The following LRRC4C variants were observed in gnomAD, a reference collection of about 807,000 sequenced individuals.
LRRC4C encodes leucine rich repeat containing 4C.
A neutral mutation model predicts 33.6 loss-of-function variants in LRRC4C; 5 were observed. That is an observed-to-expected ratio of 0.15 (90% CI 0.08 to 0.31). The LOEUF is 0.31. LRRC4C is among the 10% of genes least tolerant of loss of function. The probability of loss-of-function intolerance (pLI) is 1.00; values close to 1 mark genes in which losing one functional copy is unlikely to be tolerated. For missense variants in LRRC4C, 560 were observed against 796.7 expected, an observed-to-expected ratio of 0.70 and a Z score of 3.58; for synonymous variants, 329 against 302.0, an observed-to-expected ratio of 1.09 and a Z score of -0.93.
intron 3 of LRRC4C, among the ~76,000 whole-genome samples, chr11:40,552,600 C>T (rs1467243324): frequency 6.6e-6 from 1 of 152,162 alleles, no homozygotes; most frequent in Non-Finnish European, 1.5e-5. Flanking sequence ...ATAAGGCCAA[C>T]TTCACTCATA....
intron 1 of LRRC4C, among the ~76,000 whole-genome samples, chr11:40,998,349 A>C (rs903626084): frequency 6.6e-6 from 1 of 152,080 alleles, no homozygotes; most frequent in African/African-American, 2.4e-5. Context: ...TAATCTAGAG[A>C]TGTTAGGATT....
chr11:40,389,726 T>C (rs1015209966), intron 3 of LRRC4C, among the ~76,000 whole-genome samples: 1 of 152,154 alleles, frequency 6.6e-6, no homozygotes, highest in Non-Finnish European at 1.5e-5. Context: ...ATAAAAGCTA[T>C]AAAAATGAGA....
At chr11:41,275,788 C>G (rs1464207841) in intron 1 of LRRC4C, among the ~76,000 whole-genome samples, 1 of 152,082 alleles carries the variant, frequency 6.6e-6, no homozygotes, top group Non-Finnish European at 1.5e-5. Context: ...ATCAGAAATA[C>G]TAACATTACA....
At chr11:40,802,508 C>A (rs201188828) in intron 2 of LRRC4C, among the ~76,000 whole-genome samples, 148 of 144,666 alleles carry the variant, frequency 1.0e-3, no homozygotes, top group South Asian at 1.3e-3. Context: ...TTAGAATAAG[C>A]AAAAAAAAAA....
chr11:40,979,564 C>G (rs1177518362), intron 1 of LRRC4C, among the ~76,000 whole-genome samples: 1 of 151,928 alleles, frequency 6.6e-6, no homozygotes, highest in Non-Finnish European at 1.5e-5. Context: ...CCTGTGGCTT[C>G]TTAGATTTTG....
chr11:41,183,792 T>C (rs1045617468), intron 1 of LRRC4C, among the ~76,000 whole-genome samples: 8 of 152,174 alleles, frequency 5.3e-5, no homozygotes, highest in Admixed American at 5.2e-4. Context: ...CACACTGCCT[T>C]AGCAGAGGTT....
chr11:40,661,770 T>C (rs1380014551), intron 2 of LRRC4C, among the ~76,000 whole-genome samples: 2 of 152,228 alleles, frequency 1.3e-5, no homozygotes, highest in East Asian at 3.8e-4. Context: ...CTAACTGCTA[T>C]ATGCTCTATT....
At chr11:41,285,486 A>C (rs1949796161) in intron 1 of LRRC4C, among the ~76,000 whole-genome samples, 1 of 152,222 alleles carries the variant, frequency 6.6e-6, no homozygotes, top group Admixed American at 6.5e-5. Context: ...TGCCTTTGAT[A>C]AGCTAACAGC....
intron 3 of LRRC4C, among the ~76,000 whole-genome samples, chr11:40,415,068 C>T (rs1294081742): frequency 1.3e-5 from 2 of 152,178 alleles, no homozygotes; most frequent in Non-Finnish European, 2.9e-5. Flanking sequence ...TCTGTTGCTT[C>T]ATATACTCAA....
At chr11:40,679,703 G>A (rs1944581133) in intron 2 of LRRC4C, among the ~76,000 whole-genome samples, 1 of 152,212 alleles carries the variant, frequency 6.6e-6, no homozygotes, top group Non-Finnish European at 1.5e-5. Flanking sequence ...CAAGAACTGA[G>A]ATTTGGGAAC....
chr11:40,974,894 C>G (rs1032107025), intron 1 of LRRC4C, among the ~76,000 whole-genome samples: 1 of 152,124 alleles, frequency 6.6e-6, no homozygotes, highest in Non-Finnish European at 1.5e-5. Context: ...CTTGGAACTC[C>G]AGGATTTACA....
At chr11:41,188,214 A>C (rs1945781986) in intron 1 of LRRC4C, among the ~76,000 whole-genome samples, 1 of 152,146 alleles carries the variant, frequency 6.6e-6, no homozygotes, top group Non-Finnish European at 1.5e-5. Flanking sequence ...TGTGCTGTTG[A>C]ATACAAACAT....
chr11:41,008,029 C>T (rs1360651481), intron 1 of LRRC4C, among the ~76,000 whole-genome samples: 1 of 151,984 alleles, frequency 6.6e-6, no homozygotes, highest in African/African-American at 2.4e-5. Context: ...TTTCGTATTC[C>T]AATATTCCAT....
At chr11:41,067,449 C>A (rs1938336858) in intron 1 of LRRC4C, among the ~76,000 whole-genome samples, 1 of 152,128 alleles carries the variant, frequency 6.6e-6, no homozygotes. Context: ...GAGACTTAGA[C>A]TCCCACACAA....
At chr11:40,929,351 T>A (rs183686944) in intron 2 of LRRC4C, among the ~76,000 whole-genome samples, 4 of 152,176 alleles carry the variant, frequency 2.6e-5, no homozygotes, top group African/African-American at 7.2e-5. Context: ...CTATGCAATA[T>A]ATTCATGTAA....
At chr11:41,353,386 T>C (rs1952050147) in intron 1 of LRRC4C, among the ~76,000 whole-genome samples, 1 of 151,874 alleles carries the variant, frequency 6.6e-6, no homozygotes, top group Non-Finnish European at 1.5e-5. Flanking sequence ...AAAAATAACA[T>C]ACCAATAAGA....
chr11:40,921,655 G>C (rs1266537016), intron 2 of LRRC4C, among the ~76,000 whole-genome samples: 1 of 151,888 alleles, frequency 6.6e-6, no homozygotes, highest in Non-Finnish European at 1.5e-5. Context: ...ATGTTTTTGA[G>C]GTACATATGA....
intron 1 of LRRC4C, among the ~76,000 whole-genome samples, chr11:41,065,058 C>T (rs187457832): frequency 6.4e-4 from 98 of 152,170 alleles, no homozygotes; most frequent in East Asian, 5.6e-3. Flanking sequence ...GACAGGAGAA[C>T]GGTAGACTCC....
chr11:40,433,263 C>T (rs1426210598), intron 3 of LRRC4C, among the ~76,000 whole-genome samples: 1 of 151,926 alleles, frequency 6.6e-6, no homozygotes, highest in Non-Finnish European at 1.5e-5. Flanking sequence ...TTCAACTGTT[C>T]TATATTATGT....
Sources: allele counts gnomAD v4.1 joint callset (sites outside exome capture counted in the v4.1 genomes callset), GRCh38; gene constraint gnomAD v4.1.1; transcripts MANE v1.5; gene names NCBI Gene and HGNC (gene_info 2026-07-23, HGNC 2026-07-21).